Variants in TAOK3 observed in about 807,000 individuals in gnomAD.
TAOK3 encodes serine/threonine-protein kinase TAO3.
In TAOK3, 40 loss-of-function variants were observed where a neutral mutation model predicts 120.4. The ratio of observed to expected loss-of-function variants is 0.33; its 90% CI spans 0.26 to 0.43. TAOK3 has a LOEUF of 0.43. Among genes scored for constraint, TAOK3 ranks in the 20% least tolerant of loss-of-function variants. The pLI, the probability that TAOK3 is intolerant of heterozygous loss-of-function variation, is 1.00. For synonymous variants in TAOK3, 355 were observed against 387.5 expected (o/e 0.92, Z 0.99); for missense variants, 821 against 1,112.1 (o/e 0.74, Z 3.72).
chr12:118,283,897 C>G (rs1039105301), intron 1 of TAOK3, among the ~76,000 whole-genome samples: 1 of 152,168 alleles, frequency 6.6e-6, no homozygotes. Flanking sequence ...AAAGCTGGAA[C>G]AGTCTATTGG....
Position 118,289,255 on chromosome 12 carries a change from C to T in TAOK3, c.-193-22496G>A, listed in dbSNP as rs563571864. Among the ~76,000 whole-genome samples, 168 of 144,022 alleles carry T rather than the reference C, an allele frequency of 1.2e-3. 1 individual carries two copies. The highest frequency in any genetic ancestry group is 3.9e-3 in the African/African-American group (151 of 38,808). The allele number at this position is 144,022 out of a possible 152,430, so 94.5% of individuals were successfully genotyped here. On this transcript the variant is annotated intron_variant, in intron 1 of 20. Transcript: ENST00000392533. ...TTGAGGCTGCAGTGATCTGAGATTG[C>T]GCCGCTGCACTCAAGCCTGGGTGAC...
Position 118,151,006 on chromosome 12 carries a change from GTCC to G in TAOK3, c.2685_2687del (p.Glu895del), listed in dbSNP as rs1405009303. On this transcript the variant is annotated inframe_deletion, in exon 21 of 21. Coordinates refer to ENST00000392533, the MANE Select transcript of TAOK3 (RefSeq NM_016281.4). ...GGCAAAAAATTTAATCTCATCTGTA[GTCC>G]TCCTTAGGAAAATCTAATGTAACCA... 3 of 1,552,020 alleles carry G rather than the reference GTCC, an allele frequency of 1.9e-6. No individual in the cohort carries two copies. The highest frequency in any genetic ancestry group is 2.6e-6 in the Non-Finnish European group (3 of 1,140,228).
chr12:118,281,494 T>C lies in TAOK3; in HGVS notation c.-193-14735A>G, dbSNP rs142706484. On this transcript the variant is annotated intron_variant, in intron 1 of 20. Coordinates refer to ENST00000392533, the MANE Select transcript of TAOK3 (RefSeq NM_016281.4). ...ATACTGAAATGAATTTATAAAAATA[T>C]TAAAAAGCGTCCAGGTGTGGTGGCT... is the stretch of plus-strand genomic sequence containing the variant. Among the ~76,000 whole-genome samples, 33 of 152,278 alleles carry C rather than the reference T, an allele frequency of 2.2e-4. No individual in the cohort carries two copies. In the East Asian group the frequency reaches 5.6e-3, roughly 26 times the overall value.
chr12:118,276,375 T>C (rs1309355043), intron 1 of TAOK3, among the ~76,000 whole-genome samples: 2 of 152,218 alleles, frequency 1.3e-5, no homozygotes, highest in Non-Finnish European at 2.9e-5. Flanking sequence ...CCTTAGGGCC[T>C]GAGCTACCAA....
intron 1 of TAOK3, among the ~76,000 whole-genome samples, chr12:118,334,071 G>T (rs2044260242): frequency 6.8e-6 from 1 of 147,724 alleles, no homozygotes; most frequent in Non-Finnish European, 1.5e-5. Flanking sequence ...GAAGGCAGAG[G>T]TTGCAGTGAG....
intron 1 of TAOK3, among the ~76,000 whole-genome samples, chr12:118,282,163 G>T (rs1164781782): frequency 6.6e-6 from 1 of 152,196 alleles, no homozygotes; most frequent in Non-Finnish European, 1.5e-5. Context: ...AATTCTAAAA[G>T]TTCTTCTTAT....
chr12:118,316,974 A>T (rs916189709), intron 1 of TAOK3, among the ~76,000 whole-genome samples: 5 of 151,888 alleles, frequency 3.3e-5, no homozygotes, highest in African/African-American at 4.8e-5. Context: ...ACTACAAAAC[A>T]TTGCTGGGGC....
At chr12:118,286,748 T>C (rs1162624829) in intron 1 of TAOK3, among the ~76,000 whole-genome samples, 2 of 152,188 alleles carry the variant, frequency 1.3e-5, no homozygotes, top group Non-Finnish European at 2.9e-5. Flanking sequence ...GAAGTCATTA[T>C]ACAAAAAGAT....
intron 1 of TAOK3, among the ~76,000 whole-genome samples, chr12:118,277,001 C>A (rs564775677): frequency 1.3e-5 from 2 of 152,150 alleles, no homozygotes; most frequent in Admixed American, 6.6e-5. Flanking sequence ...TGAGAGACTC[C>A]GTCTCAAACA....
At chr12:118,283,391 C>T (rs1033182801) in intron 1 of TAOK3, among the ~76,000 whole-genome samples, 6 of 152,136 alleles carry the variant, frequency 3.9e-5, no homozygotes, top group Non-Finnish European at 7.3e-5. Flanking sequence ...TGGGTAGGTG[C>T]TTAATGCTTT....
In TAOK3 at chr12:118,212,971, A is replaced by C. The variant is rs2038705914; in HGVS notation, c.762T>G (p.Val254=). Residue 254 remains valine, a synonymous_variant, in exon 11 of 21, where the codon GTT becomes GTG. Transcript: ENST00000392533. ...NEWTDSFRRF[V]DYCLQKIPQE... ...GAGGTATTTTCTGCAAGCAGTAATC[A>C]ACAAATCTCCTAAAGGAGTCTGTCC... 1 of 1,612,824 alleles carries C rather than the reference A, an allele frequency of 6.2e-7. No individual in the cohort carries two copies. Among genetic ancestry groups the C allele is most frequent in the African/African-American group, 1.3e-5 (1 of 74,918 alleles).
At position 118,161,766 on chromosome 12, in the gene TAOK3, T is replaced by C. The variant is rs773801770; in HGVS notation, c.2139+22A>G. The stretch of plus-strand genomic sequence containing the variant: ...AGAAACCACTGATCTGGTCCAACAC[T>C]GTCCAGCAGCACAAATCTTACCTTT... On this transcript the variant is annotated intron_variant, in intron 18 of 20. Coordinates refer to ENST00000392533, the MANE Select transcript of TAOK3 (RefSeq NM_016281.4). This position sits in a 1 kb window ranked among gnomAD's most constrained non-coding sequence, Gnocchi z 4.5. 28 of 1,613,596 alleles carry C rather than the reference T, an allele frequency of 1.7e-5. No individual in the cohort carries two copies. Among genetic ancestry groups the C allele is most frequent in the Middle Eastern group, 3.4e-4 (2 of 5,884 alleles).
chr12:118,322,009 C>T (rs2043727221), intron 1 of TAOK3, among the ~76,000 whole-genome samples: 1 of 152,008 alleles, frequency 6.6e-6, no homozygotes, highest in South Asian at 2.1e-4. Context: ...TATAAAATGT[C>T]ACAAAAGATA....
intron 3 of TAOK3, among the ~76,000 whole-genome samples, chr12:118,245,346 G>GC (rs755599575): frequency 1.3e-5 from 2 of 150,384 alleles, no homozygotes; most frequent in Non-Finnish European, 3.0e-5. Context: ...AAAGAATCGA[G>GC]CTGTGTTGCT....
intron 1 of TAOK3, among the ~76,000 whole-genome samples, chr12:118,362,251 A>G (rs901467122): frequency 6.6e-6 from 1 of 151,356 alleles, no homozygotes; most frequent in Non-Finnish European, 1.5e-5. Flanking sequence ...CTGGGCCATA[A>G]TGAAAGACGA....
intron 1 of TAOK3, among the ~76,000 whole-genome samples, chr12:118,348,458 T>C (rs570528076): frequency 3.9e-5 from 6 of 152,000 alleles, no homozygotes; most frequent in African/African-American, 7.2e-5. Flanking sequence ...TTCTTTCTTT[T>C]TTTTTTTTTT....
At chr12:118,254,305 ACCATCCAT>A (rs374028494) in intron 3 of TAOK3, among the ~76,000 whole-genome samples, 3 of 151,802 alleles carry the variant, frequency 2.0e-5, no homozygotes, top group East Asian at 3.9e-4. Flanking sequence ...CTGTCTATCC[ACCATCCAT>A]CCATCCATCC....
At chr12:118,367,785 G>C (rs1352813246) in intron 1 of TAOK3, among the ~76,000 whole-genome samples, 3 of 151,150 alleles carry the variant, frequency 2.0e-5, no homozygotes, top group Non-Finnish European at 2.9e-5. Context: ...TTTTGGCGGG[G>C]GGTGGGGAGA....
At chr12:118,267,037 G>C (rs1487442771) in intron 1 of TAOK3, among the ~76,000 whole-genome samples, 1 of 152,132 alleles carries the variant, frequency 6.6e-6, no homozygotes, top group African/African-American at 2.4e-5. Flanking sequence ...ACTTAATGGA[G>C]ATTACCAGTA....
Sources: gnomAD v4.1 joint callset for allele counts (sites outside exome capture counted in the v4.1 genomes callset) on GRCh38, gnomAD v4.1.1 for gene constraint, Gnocchi (gnomAD v3.1) non-coding constraint, MANE v1.5 for transcripts, NCBI Gene and HGNC (gene_info 2026-07-23, HGNC 2026-07-21) for gene names.